The following LINGO2 variants were observed in gnomAD, a reference collection of about 807,000 sequenced individuals.
The protein encoded by LINGO2 is leucine-rich repeat and immunoglobulin-like domain-containing nogo receptor-interacting protein 2.
A neutral mutation model predicts 30.6 loss-of-function variants in LINGO2; 14 were observed. The ratio of observed to expected loss-of-function variants is 0.46; its 90% confidence interval spans 0.30 to 0.72. The LOEUF (loss-of-function observed/expected upper bound fraction) is 0.72, where lower values mean the gene tolerates loss of function less well. Among genes scored for constraint, LINGO2 ranks in the 30% least tolerant of loss-of-function variants. The pLI, the probability that LINGO2 is intolerant of heterozygous loss-of-function variation, is 0.07. For synonymous variants in LINGO2, 317 were observed against 288.5 expected (o/e 1.10, Z -1.00); for missense variants, 729 against 751.7 (o/e 0.97, Z 0.35).
intron 1 of LINGO2, among the ~76,000 whole-genome samples, chr9:28,661,109 G>A (rs897903803): frequency 6.6e-6 from 1 of 151,900 alleles, no homozygotes; most frequent in Non-Finnish European, 1.5e-5. Context: ...TTCTGGGATG[G>A]GCTTGTAACC....
chr9:28,022,647 T>C (rs1823188449), intron 4 of LINGO2, among the ~76,000 whole-genome samples: 1 of 148,972 alleles, frequency 6.7e-6, no homozygotes, highest in African/African-American at 2.6e-5. Flanking sequence ...AACTCTCTTC[T>C]TTTTCTCTCT....
intron 2 of LINGO2, among the ~76,000 whole-genome samples, chr9:28,412,202 A>AAAG (rs1462348390): frequency 2.9e-5 from 4 of 140,104 alleles, no homozygotes; most frequent in African/African-American, 1.1e-4. Context: ...AAAAAAAAAA[A>AAAG]AAACCTTGTT....
chr9:28,496,564 G>C (rs1037734834), intron 1 of LINGO2, among the ~76,000 whole-genome samples: 4 of 151,696 alleles, frequency 2.6e-5, no homozygotes, highest in Non-Finnish European at 5.9e-5. Flanking sequence ...CTGCATGTGA[G>C]ATGGGTCTCC....
intron 1 of LINGO2, among the ~76,000 whole-genome samples, chr9:28,483,198 A>C (rs1826044113): frequency 6.6e-6 from 1 of 152,120 alleles, no homozygotes; most frequent in East Asian, 1.9e-4. Context: ...CTCTATTATC[A>C]TCATTTGTCT....
At chr9:28,807,694 A>G in the LINGO2 span, among the ~76,000 whole-genome samples, 1 of 152,348 alleles carries the variant, frequency 6.6e-6, no homozygotes, top group South Asian at 2.1e-4. Context: ...ATTGAAACAC[A>G]AAAGCAGTTT....
chr9:28,585,114 G>A (rs1824462772), intron 1 of LINGO2, among the ~76,000 whole-genome samples: 1 of 151,996 alleles, frequency 6.6e-6, no homozygotes, highest in African/African-American at 2.4e-5. Context: ...ACGTAATTTA[G>A]ATACTCATAA....
intron 2 of LINGO2, among the ~76,000 whole-genome samples, chr9:28,378,025 C>T (rs1821196619): frequency 6.6e-6 from 1 of 152,196 alleles, no homozygotes; most frequent in South Asian, 2.1e-4. Context: ...ATTTCATTCA[C>T]AACTCTTAAT....
intron 2 of LINGO2, among the ~76,000 whole-genome samples, chr9:28,386,027 T>A (rs1234223380): frequency 6.6e-6 from 1 of 152,214 alleles, no homozygotes; most frequent in Admixed American, 6.5e-5. Context: ...TCAACAAGCA[T>A]GAAATCTTCT....
At chr9:28,104,922 A>C (rs1826538143) in intron 4 of LINGO2, among the ~76,000 whole-genome samples, 2 of 152,146 alleles carry the variant, frequency 1.3e-5, no homozygotes. Flanking sequence ...ACACAAATGA[A>C]TGTGCTAACA....
intron 4 of LINGO2, among the ~76,000 whole-genome samples, chr9:28,215,788 TATG>T (rs961790290): frequency 2.6e-5 from 4 of 151,800 alleles, no homozygotes; most frequent in Non-Finnish European, 5.9e-5. Flanking sequence ...TGATTTCAAT[TATG>T]ATATCTTTCT....
chr9:28,015,748 C>T (rs982037227), intron 4 of LINGO2, among the ~76,000 whole-genome samples: 2 of 151,704 alleles, frequency 1.3e-5, no homozygotes, highest in African/African-American at 4.8e-5. Flanking sequence ...CCTTTTCTAC[C>T]CTCAAAACAA....
At chr9:28,322,465 A>ACG in intron 3 of LINGO2, among the ~76,000 whole-genome samples, 1 of 85,874 alleles carries the variant, frequency 1.2e-5, no homozygotes, top group South Asian at 4.1e-4. Context: ...ACACACACAC[A>ACG]CACACACACA....
chr9:28,602,337 T>G (rs2135750604), intron 1 of LINGO2, among the ~76,000 whole-genome samples: 1 of 152,128 alleles, frequency 6.6e-6, no homozygotes, highest in South Asian at 2.1e-4. Context: ...AAATAAAAGT[T>G]AACTAAAAAC....
At chr9:28,496,222 T>C (rs1458867862) in intron 1 of LINGO2, among the ~76,000 whole-genome samples, 1 of 152,116 alleles carries the variant, frequency 6.6e-6, no homozygotes, top group Non-Finnish European at 1.5e-5. Context: ...CCTTTCTAAC[T>C]TTCTGTCTCG....
the LINGO2 span, among the ~76,000 whole-genome samples, chr9:29,186,471 G>T: frequency 6.6e-6 from 1 of 151,904 alleles, no homozygotes; most frequent in Non-Finnish European, 1.5e-5. Context: ...TCTCACCCTT[G>T]CCAAACTTGA....
chr9:28,422,873 A>G (rs1331552969), intron 2 of LINGO2, among the ~76,000 whole-genome samples: 2 of 152,088 alleles, frequency 1.3e-5, no homozygotes, highest in Non-Finnish European at 2.9e-5. Context: ...GACATGTGCT[A>G]TAACGTGGAT....
At chr9:28,704,382 G>C in the LINGO2 span, among the ~76,000 whole-genome samples, 1 of 144,628 alleles carries the variant, frequency 6.9e-6, no homozygotes, top group African/African-American at 2.7e-5. Flanking sequence ...TTCAGGTGTA[G>C]TGTTTTTTAT....
the LINGO2 span, among the ~76,000 whole-genome samples, chr9:29,000,590 C>A: frequency 1.3e-4 from 19 of 151,892 alleles, no homozygotes; most frequent in African/African-American, 1.7e-4. Context: ...TCTATTCTTA[C>A]ATTCTGAAAT....
At chr9:28,137,829 C>G (rs970271668) in intron 4 of LINGO2, among the ~76,000 whole-genome samples, 40 of 151,672 alleles carry the variant, frequency 2.6e-4, no homozygotes, top group African/African-American at 9.4e-4. Flanking sequence ...TTTGGTATAC[C>G]TTTAGTTCTA....
Sources: gnomAD v4.1 joint callset for allele counts (sites outside exome capture counted in the v4.1 genomes callset) on GRCh38, gnomAD v4.1.1 for gene constraint, MANE v1.5 for transcripts, NCBI Gene and HGNC (gene_info 2026-07-23, HGNC 2026-07-21) for gene names.